The following CDH18 variants were observed in gnomAD, a reference collection of about 807,000 sequenced individuals.
The protein encoded by CDH18 is cadherin-18.
CDH18 carries 31 observed loss-of-function variants against 67.9 expected under a neutral mutation model. The ratio of observed to expected loss-of-function variants is 0.46; its 90% CI spans 0.34 to 0.62. CDH18 has a LOEUF of 0.62. Ranked by LOEUF, CDH18 falls within the 20% of genes least tolerant of loss-of-function variation. CDH18 has a pLI of 0.01. For synonymous variants in CDH18, 362 were observed against 347.2 expected (o/e 1.04, Z -0.48); for missense variants, 890 against 975.5 (o/e 0.91, Z 1.17).
intron 1 of CDH18, chr5:20,331,292 CTT>C (rs1419495373): frequency 1.3e-5 from 2 of 152,082 alleles, no homozygotes; most frequent in Non-Finnish European, 2.9e-5. Context: ...ATAAATGACT[CTT>C]GTTATTTTCC....
intron 11 of CDH18, among the ~76,000 whole-genome samples, chr5:19,500,794 A>T (rs1243019434): frequency 1.3e-5 from 2 of 152,168 alleles, no homozygotes; most frequent in Non-Finnish European, 2.9e-5. Flanking sequence ...TTCTGACACT[A>T]GTAATGTTGT....
intron 5 of CDH18, among the ~76,000 whole-genome samples, chr5:19,620,421 G>T (rs983420504): frequency 5.3e-5 from 8 of 152,126 alleles, no homozygotes; most frequent in African/African-American, 1.9e-4. Flanking sequence ...GGGATTTCCT[G>T]ACACAAAAAT....
At chr5:19,611,463 T>G (rs1748949384) in intron 6 of CDH18, among the ~76,000 whole-genome samples, 1 of 152,116 alleles carries the variant, frequency 6.6e-6, no homozygotes, top group Non-Finnish European at 1.5e-5. Context: ...AAAATTTTAG[T>G]TGAAGTAAGG....
intron 1 of CDH18, among the ~76,000 whole-genome samples, chr5:20,529,612 C>T (rs1045298637): frequency 1.3e-5 from 2 of 151,992 alleles, no homozygotes; most frequent in South Asian, 2.1e-4. Context: ...CGTAATTCAT[C>T]ACATACACAA....
chr5:19,542,819 G>T (rs180839847), intron 9 of CDH18, among the ~76,000 whole-genome samples: 187 of 152,022 alleles, frequency 1.2e-3, no homozygotes, highest in African/African-American at 4.0e-3. Context: ...TAATAAAAAT[G>T]TTTTGAAATT....
intron 9 of CDH18, among the ~76,000 whole-genome samples, chr5:19,538,941 T>C (rs990469252): frequency 6.6e-6 from 1 of 152,124 alleles, no homozygotes; most frequent in Non-Finnish European, 1.5e-5. Flanking sequence ...AAAATCCCAT[T>C]TGAAAAAGTA....
chr5:19,581,492 A>C (rs2149985305), intron 7 of CDH18, among the ~76,000 whole-genome samples: 1 of 152,012 alleles, frequency 6.6e-6, no homozygotes, highest in East Asian at 1.9e-4. Context: ...CATTATAAAT[A>C]CAAGGATATT....
At chr5:19,709,874 C>A (rs913678056) in intron 5 of CDH18, among the ~76,000 whole-genome samples, 5 of 152,028 alleles carry the variant, frequency 3.3e-5, no homozygotes, top group African/African-American at 1.2e-4. Context: ...GTGGCTCATG[C>A]CTGTAATTCC....
At chr5:20,085,989 C>A (rs1295313934) in intron 2 of CDH18, among the ~76,000 whole-genome samples, 2 of 152,126 alleles carry the variant, frequency 1.3e-5, no homozygotes, top group Non-Finnish European at 2.9e-5. Flanking sequence ...GAAAACATGT[C>A]AAAAGCTGAG....
chr5:19,808,937 G>A (rs1778347776), intron 3 of CDH18, among the ~76,000 whole-genome samples: 1 of 151,626 alleles, frequency 6.6e-6, no homozygotes, highest in South Asian at 2.1e-4. Flanking sequence ...TTATATTTGG[G>A]AATATTTTAG....
At chr5:19,502,058 G>C (rs909698299) in intron 11 of CDH18, among the ~76,000 whole-genome samples, 1 of 152,110 alleles carries the variant, frequency 6.6e-6, no homozygotes, top group Non-Finnish European at 1.5e-5. Context: ...TTGATACTTT[G>C]TTATATTTAA....
chr5:19,582,869 C>T (rs9292678), intron 7 of CDH18, among the ~76,000 whole-genome samples: 4,839 of 150,920 alleles, frequency 0.032, 266 homozygotes, highest in African/African-American at 0.11. Context: ...AAAGGAATGA[C>T]AATGTAATCC....
At chr5:19,532,350 G>A (rs1748763351) in intron 9 of CDH18, among the ~76,000 whole-genome samples, 1 of 152,112 alleles carries the variant, frequency 6.6e-6, no homozygotes, top group Non-Finnish European at 1.5e-5. Context: ...ACACCAAGAT[G>A]ATCTGAAGCA....
chr5:20,475,651 A>G (rs1325124543), intron 1 of CDH18, among the ~76,000 whole-genome samples: 1 of 152,168 alleles, frequency 6.6e-6, no homozygotes, highest in Non-Finnish European at 1.5e-5. Flanking sequence ...TAGGTAAATA[A>G]TACTGTCAAT....
chr5:20,020,908 A>T (rs1454545947), intron 2 of CDH18, among the ~76,000 whole-genome samples: 1 of 152,094 alleles, frequency 6.6e-6, no homozygotes, highest in Non-Finnish European at 1.5e-5. Context: ...AATAGCTTGC[A>T]CTATGCACCT....
At chr5:19,709,050 CT>C (rs1764354468) in intron 5 of CDH18, among the ~76,000 whole-genome samples, 1 of 151,678 alleles carries the variant, frequency 6.6e-6, no homozygotes, top group Non-Finnish European at 1.5e-5. Context: ...CCTTTCAAAC[CT>C]GTACTGTTGG....
At chr5:19,556,695 A>G (rs1251746101) in intron 8 of CDH18, among the ~76,000 whole-genome samples, 2 of 152,166 alleles carry the variant, frequency 1.3e-5, no homozygotes, top group Non-Finnish European at 2.9e-5. Context: ...AGTTTGGAAA[A>G]CACATTTGAG....
chr5:20,276,554 T>C (rs1173295296), intron 1 of CDH18, among the ~76,000 whole-genome samples: 2 of 152,250 alleles, frequency 1.3e-5, no homozygotes, highest in East Asian at 3.9e-4. Flanking sequence ...GAATTACTCA[T>C]TGTGGGCCTT....
chr5:19,750,433 T>C (rs1293212322), intron 3 of CDH18, among the ~76,000 whole-genome samples: 1 of 152,114 alleles, frequency 6.6e-6, no homozygotes, highest in Non-Finnish European at 1.5e-5. Flanking sequence ...AGGTGAATAA[T>C]AAGGGTAGTT....
Sources: gnomAD v4.1 joint callset for allele counts (sites outside exome capture counted in the v4.1 genomes callset) on GRCh38, gnomAD v4.1.1 for gene constraint, MANE v1.5 for transcripts, NCBI Gene and HGNC (gene_info 2026-07-23, HGNC 2026-07-21) for gene names.